Variants in RUFY4 observed in about 807,000 individuals in gnomAD.
The protein encoded by RUFY4 is RUN and FYVE domain containing 4.
A neutral mutation model predicts 69.0 loss-of-function variants in RUFY4; 73 were observed. The observed-to-expected ratio is 1.06, with a 90% CI of 0.88 to 1.29. RUFY4 has a LOEUF of 1.29. Ranked by LOEUF, RUFY4 falls within the 50% of genes most tolerant of loss-of-function variation. RUFY4 has a pLI of 0.00. For missense variants in RUFY4, 770 were observed against 705.6 expected (o/e 1.09, Z -1.03); for synonymous variants, 287 against 271.8 (o/e 1.06, Z -0.55).
At chr2:218,067,903 A>G (rs1410982907), upstream of RUFY4, among the ~76,000 whole-genome samples, 5 of 152,154 alleles carry the variant, frequency 3.3e-5, no homozygotes, top group African/African-American at 4.8e-5. Flanking sequence ...AGGCAGGGAC[A>G]TGGGGTGAAG....
At chr2:218,060,710 G>T in intron 3 of RUFY4, 1 of 1,367,512 alleles carries the variant, frequency 7.3e-7, no homozygotes, top group Non-Finnish European at 1.0e-6. Context: ...GCCTTAAACA[G>T]CGTATGCAGG....
intron 8 of RUFY4, among the ~76,000 whole-genome samples, chr2:218,079,140 A>T (rs892780988): frequency 6.6e-5 from 10 of 152,178 alleles, no homozygotes; most frequent in African/African-American, 2.2e-4. Flanking sequence ...AAGTGTAGAG[A>T]TTACAGGCAT....
rs752504503 is a variant in RUFY4, at chr2:218,060,986, G to A, written c.-1071+2305G>A. ...TGCGTGTGGCATGGACAATGGCCAG[G>A]TAACAGTCCATGCTGCGGCAGGCCA... On this transcript the variant is annotated intron_variant and NMD_transcript_variant, in intron 3 of 13. Transcript: ENST00000457754. The A allele has an allele frequency of 2.3e-5, 18 of 792,970 alleles. No homozygotes were observed. The Admixed American group carries it at 3.1e-4, about 14-fold the overall frequency. The allele number at this position is 792,970 out of a possible 1,614,324, so 49.1% of individuals were successfully genotyped here.
upstream of RUFY4, among the ~76,000 whole-genome samples, chr2:218,066,106 A>AGG (rs1689319463): frequency 6.7e-6 from 1 of 148,698 alleles, no homozygotes; most frequent in Admixed American, 6.7e-5. Context: ...AAGTGCTGCT[A>AGG]GGTGGGGAAG....
exon 4 of RUFY4, chr2:218,072,804 G>A (rs56214433): frequency 0.02 from 30,989 of 1,534,528 alleles, 427 homozygotes; most frequent in Non-Finnish European, 0.023. Flanking sequence ...GGGAAAGGCC[G>A]TGCCTTCATC....
chr2:218,054,194 G>A (rs1198883722), intron 2 of RUFY4, among the ~76,000 whole-genome samples: 2 of 152,082 alleles, frequency 1.3e-5, no homozygotes, highest in Non-Finnish European at 2.9e-5. Context: ...TTCTCTAAAG[G>A]CATCTGCAAT....
At chr2:218,078,782 G>C (rs1033161383) in intron 8 of RUFY4, among the ~76,000 whole-genome samples, 2 of 152,136 alleles carry the variant, frequency 1.3e-5, no homozygotes, top group Non-Finnish European at 2.9e-5. Context: ...TCCTTTCCCA[G>C]CTCTAGGTAA....
chr2:218,074,986 CTA>C (rs2106055202), intron 6 of RUFY4, 105 bp from the exon 9 acceptor site: 1 of 1,198,480 alleles, frequency 8.3e-7, no homozygotes, highest in African/African-American at 1.5e-5. Context: ...GACCTGGTAC[CTA>C]TCTATTTAGC....
intron 2 of RUFY4, among the ~76,000 whole-genome samples, chr2:218,071,775 C>T (rs190307219): frequency 6.9e-4 from 105 of 152,250 alleles, no homozygotes; most frequent in Non-Finnish European, 1.2e-3. Flanking sequence ...TGTCCCTCTC[C>T]GGGCCCCGGG....
At chr2:218,051,431 T>C (rs1381241693) in intron 2 of RUFY4, among the ~76,000 whole-genome samples, 1 of 152,020 alleles carries the variant, frequency 6.6e-6, no homozygotes, top group East Asian at 1.9e-4. Flanking sequence ...AAAGTTCTAA[T>C]CAATATATTT....
chr2:218,035,601 G>A (rs1278751849), intron 2 of RUFY4, among the ~76,000 whole-genome samples: 3 of 152,118 alleles, frequency 2.0e-5, no homozygotes, highest in Admixed American at 1.3e-4. Context: ...GCCACAGCCC[G>A]GGAGGCAGGA....
chr2:218,073,946 T>A (rs1689559255), intron 6 of RUFY4, 61 bp downstream of exon 8: 1 of 1,540,204 alleles, frequency 6.5e-7, no homozygotes, highest in South Asian at 1.1e-5. Flanking sequence ...CATCCTCAAG[T>A]TGAGTAGAAA....
intron 2 of RUFY4, among the ~76,000 whole-genome samples, chr2:218,053,890 C>T (rs1015603064): frequency 6.6e-6 from 1 of 152,212 alleles, no homozygotes; most frequent in East Asian, 1.9e-4. Flanking sequence ...AGAAATCCAC[C>T]TGCCTTGGCC....
chr2:218,061,323 G>T (rs1016367810), intron 3 of RUFY4: 14 of 297,570 alleles, frequency 4.7e-5, no homozygotes, highest in African/African-American at 2.8e-4. Flanking sequence ...TAGTAGAAAA[G>T]GGGTAGGGTC....
upstream of RUFY4, among the ~76,000 whole-genome samples, chr2:218,067,646 C>G (rs1237395568): frequency 6.6e-6 from 1 of 152,178 alleles, no homozygotes; most frequent in Non-Finnish European, 1.5e-5. Context: ...TCCAGGCTCT[C>G]CCAAGAGGCC....
intron 2 of RUFY4, among the ~76,000 whole-genome samples, chr2:218,044,165 G>T (rs1181879838): frequency 6.6e-6 from 1 of 152,194 alleles, no homozygotes; most frequent in Non-Finnish European, 1.5e-5. Flanking sequence ...GGCTTGGGCA[G>T]CTGCTGTGGC....
chr2:218,085,137 A>T (rs918846086), intron 9 of RUFY4, among the ~76,000 whole-genome samples: 1 of 152,240 alleles, frequency 6.6e-6, no homozygotes, highest in East Asian at 1.9e-4. Context: ...TAGGGTTAGC[A>T]TTAGAACTCA....
chr2:218,051,693 T>G (rs1688947673), intron 2 of RUFY4, among the ~76,000 whole-genome samples: 1 of 152,008 alleles, frequency 6.6e-6, no homozygotes, highest in African/African-American at 2.4e-5. Context: ...GAGTTTTGTG[T>G]GTGATTAGGT....
At chr2:218,074,793 A>T (rs1689584342) in intron 6 of RUFY4, among the ~76,000 whole-genome samples, 1 of 152,046 alleles carries the variant, frequency 6.6e-6, no homozygotes, top group Admixed American at 6.6e-5. Flanking sequence ...GAGTGAGAGG[A>T]ACTTAGGGGG....
Sources: allele counts gnomAD v4.1 joint callset (sites outside exome capture counted in the v4.1 genomes callset), GRCh38; gene constraint gnomAD v4.1.1; transcripts MANE v1.5; gene names NCBI Gene and HGNC (gene_info 2026-07-23, HGNC 2026-07-21).